BBS2: variants seen among roughly 807,000 people sequenced by gnomAD.
BBS2 encodes the protein BBSome complex member BBS2.
Under a neutral mutation model 83.0 loss-of-function variants are expected in BBS2, and 62 were observed. The observed-to-expected ratio is 0.75, with a 90% confidence interval of 0.61 to 0.92. The LOEUF is 0.92. BBS2 is among the 40% of genes least tolerant of loss of function. The pLI is 0.00. For missense variants in BBS2, 784 were observed against 901.0 expected, an observed-to-expected ratio of 0.87 and a Z score of 1.66; for synonymous variants, 303 against 326.1, an observed-to-expected ratio of 0.93 and a Z score of 0.76.
intron 13 of BBS2, among the ~76,000 whole-genome samples, 195 bp from the exon 14 acceptor site, chr16:56,498,075 C>A (rs962363467): frequency 2.6e-5 from 4 of 152,030 alleles, no homozygotes; most frequent in South Asian, 2.1e-4. Context: ...AAAGGTAAAT[C>A]CTCTGGCCTT....
rs763734158 is a variant in BBS2, at chr16:56,470,697, T to C, written c.*1-2A>G. On this transcript the variant is annotated splice_acceptor_variant, in intron 17 of 17. Coordinates refer to the BBS2 transcript ENST00000682047. LOFTEE classifies it low-confidence loss of function (3UTR_SPLICE). ...AAGAAGGGACTAGCCATAGTCCTCC[T>C]GAGCCAGAGAATAATCAGATGGCCA... The C allele has an allele frequency of 6.2e-7, 1 of 1,614,162 alleles. No homozygotes were observed. The highest frequency in any genetic ancestry group is 1.1e-5 in the South Asian group (1 of 91,078).
chr16:56,507,590 G>A lies in BBS2; in HGVS notation c.613-1366C>T, dbSNP rs146610254. ...TCTCAAGTTGTTTTTTTTTGGTGGT[G>A]GGGGAGGTTGCAAACCCCTTTAAGA... On this transcript the variant is annotated intron_variant, in intron 5 of 16. Transcript: ENST00000245157. Among the ~76,000 whole-genome samples the A allele has an allele frequency of 1.9e-3, 291 of 152,054 alleles. 4 individuals are homozygous for A. Among genetic ancestry groups the A allele is most frequent in the Admixed American group, 0.016 (237 of 15,278 alleles).
At chr16:56,485,499 C>A in intron 16 of BBS2, 91 bp downstream of exon 16, 1 of 1,519,870 alleles carries the variant, frequency 6.6e-7, no homozygotes, top group South Asian at 1.1e-5. Context: ...CTTTCAGCCC[C>A]AATATGAATT....
chr16:56,490,825 G>C (rs1963929438), intron 15 of BBS2, among the ~76,000 whole-genome samples: 1 of 150,896 alleles, frequency 6.6e-6, no homozygotes, highest in Non-Finnish European at 1.5e-5. Context: ...GCAGTGGTGC[G>C]ATCTCAGCTC....
chr16:56,497,137 C>A (rs1304141555), intron 14 of BBS2, 58 bp from the exon 15 acceptor site: 3 of 1,121,384 alleles, frequency 2.7e-6, no homozygotes, highest in South Asian at 1.2e-5. Context: ...TGAACCCAGA[C>A]AAATGAAAAG....
chr16:56,483,702 ATTT>A (rs35282850), downstream of BBS2, among the ~76,000 whole-genome samples: 7 of 142,914 alleles, frequency 4.9e-5, no homozygotes, highest in African/African-American at 1.3e-4. Context: ...AAATATCCAC[ATTT>A]TTTTTTTTTT....
chr16:56,498,101 A>G (rs1964163692), intron 13 of BBS2, among the ~76,000 whole-genome samples: 1 of 152,176 alleles, frequency 6.6e-6, no homozygotes, highest in African/African-American at 2.4e-5. Flanking sequence ...TTAAATGACA[A>G]AATCATCCAA....
rs1156784546 is a variant in BBS2 at position 56,485,464 on chromosome 16, G to A, written c.2059+126C>T. 27 of 1,284,488 alleles carry A rather than the reference G, an allele frequency of 2.1e-5. No homozygotes were observed. In the Middle Eastern group the frequency reaches 5.5e-4, roughly 26 times the overall value. 79.6% of individuals were successfully genotyped at this position (1,284,488 alleles called of 1,614,324 possible). ...ACTGAAACATAAGTGACTGGTGCCAGCTCTGGAGTGTGAAAGGTATGCTAC... is the reference window on the plus strand; with the variant it reads ...ACTGAAACATAAGTGACTGGTGCCAACTCTGGAGTGTGAAAGGTATGCTAC... On this transcript the variant is annotated intron_variant, in intron 16 of 16. Coordinates refer to ENST00000245157, the MANE Select transcript of BBS2 (RefSeq NM_031885.5).
Position 56,500,663 on chromosome 16 carries a change from T to G in BBS2, c.1397+191A>C, listed in dbSNP as rs1241059297. Reference sequence around the variant, plus strand: ...AAAAAAGAACCATCTTAAACTTACATATCAGTTTTTCCATTTTCTTTTTAC... The same window carrying G: ...AAAAAAGAACCATCTTAAACTTACAGATCAGTTTTTCCATTTTCTTTTTAC... On this transcript the variant is annotated intron_variant, in intron 11 of 16. Coordinates refer to ENST00000245157, the MANE Select transcript of BBS2 (RefSeq NM_031885.5). 1.1e-5 allele frequency: 6 copies of G among 555,556 alleles called. No homozygotes were observed. In the African/African-American group the frequency reaches 1.2e-4, roughly 11 times the overall value. The allele number at this position is 555,556 out of a possible 1,614,324, so 34.4% of individuals were successfully genotyped here.
rs1381987308 is a variant in BBS2, at chr16:56,514,773, A to G, written c.118-93T>C. The G allele has an allele frequency of 3.2e-6, 3 of 935,870 alleles. No homozygotes were observed. In the African/African-American group the frequency reaches 5.0e-5, roughly 16 times the overall value. 58.0% of individuals were successfully genotyped at this position (935,870 alleles called of 1,614,324 possible). On this transcript the variant is annotated intron_variant, in intron 1 of 16. Transcript: ENST00000245157. ...AAAGAACCAGGTTATTAACACATCC[A>G]CATTAACAAGAGGTCACTTTAATCT...
At chr16:56,494,685 G>A (rs902938197) in intron 15 of BBS2, among the ~76,000 whole-genome samples, 5 of 152,162 alleles carry the variant, frequency 3.3e-5, no homozygotes, top group African/African-American at 7.2e-5. Flanking sequence ...GTAAAAGGCC[G>A]GGCGCAGTAG....
At chr16:56,517,821 CTTT>C (rs11429010) in intron 1 of BBS2, among the ~76,000 whole-genome samples, 4 of 138,020 alleles carry the variant, frequency 2.9e-5, no homozygotes, top group Admixed American at 7.3e-5. Flanking sequence ...TTTGTCAGTG[CTTT>C]TTTTTTTTTT....
At chr16:56,513,026 C>T (rs1275202789) in intron 2 of BBS2, among the ~76,000 whole-genome samples, 1 of 152,114 alleles carries the variant, frequency 6.6e-6, no homozygotes. Context: ...GTAGTACACA[C>T]CTGTAGTCCC....
intron 15 of BBS2, among the ~76,000 whole-genome samples, chr16:56,493,926 C>G: frequency 6.6e-6 from 1 of 152,020 alleles, no homozygotes; most frequent in Non-Finnish European, 1.5e-5. Flanking sequence ...TAAAATGAAG[C>G]AAATAGTTAT....
chr16:56,480,304 T>C (rs1963627964), downstream of BBS2, among the ~76,000 whole-genome samples: 1 of 131,318 alleles, frequency 7.6e-6, no homozygotes, highest in Non-Finnish European at 1.5e-5. Context: ...AAAATTCCAC[T>C]GAATGTGGGT....
Position 56,497,827 on chromosome 16 carries a change from C to T in BBS2, c.1713G>A (p.Met571Ile), listed in dbSNP as rs755329143. The change falls in exon 14 of 17, where the codon ATG becomes ATA. Residue 571 changes from methionine (M) to isoleucine (I), a missense_variant. Transcript: ENST00000245157. ...GGTCTTCAATAGCAAAAAATGATGC[C>T]ATTGACTGGATGATATCACCAGCCA... ...IDLAGDIIQS[M>I]ASFFAIEDLQ... 37 of 1,612,574 alleles carry T rather than the reference C, an allele frequency of 2.3e-5. No individual in the cohort carries two copies. Among genetic ancestry groups the T allele is most frequent in the Non-Finnish European group, 3.1e-5 (37 of 1,179,754 alleles).
Position 56,476,132 on chromosome 16 carries a change from G to A in BBS2, c.*1-5437C>T, listed in dbSNP as rs149156581. The A allele has an allele frequency of 5.1e-5, 82 of 1,613,738 alleles. No homozygotes were observed. The African/African-American group carries it at 6.5e-4, about 13-fold the overall frequency. On this transcript the variant is annotated intron_variant, in intron 17 of 17. Transcript: ENST00000682047. ...AAATTTGTCAAGCATATTAACCACC[G>A]AAGCCTGGAACAAAAGAAAACCTTC...
chr16:56,480,368 A>AC (rs1963639483), downstream of BBS2, among the ~76,000 whole-genome samples: 2 of 129,710 alleles, frequency 1.5e-5, 1 homozygote, highest in Non-Finnish European at 3.5e-5. Flanking sequence ...AAAAAAAACA[A>AC]AAAAAAAAAC....
intron 15 of BBS2, among the ~76,000 whole-genome samples, chr16:56,489,518 T>C (rs1409384094): frequency 6.6e-6 from 1 of 152,068 alleles, no homozygotes; most frequent in Non-Finnish European, 1.5e-5. Context: ...AGTATCAGGC[T>C]GGGCACAGTG....
Sources: allele counts gnomAD v4.1 joint callset (sites outside exome capture counted in the v4.1 genomes callset), GRCh38; gene constraint gnomAD v4.1.1; transcripts MANE v1.5; gene names NCBI Gene and HGNC (gene_info 2026-07-23, HGNC 2026-07-21).